ZNF26: variants seen among roughly 807,000 people sequenced by gnomAD.
The protein encoded by ZNF26 is epididymis luminal protein 179.
A neutral mutation model predicts 54.9 loss-of-function variants in ZNF26; 32 were observed. The observed-to-expected ratio is 0.58, with a 90% CI of 0.44 to 0.78. The LOEUF (loss-of-function observed/expected upper bound fraction) is 0.78, where lower values mean the gene tolerates loss of function less well. ZNF26 is among the 30% of genes least tolerant of loss of function. The pLI is 0.00. For missense variants in ZNF26, 524 were observed against 634.0 expected (o/e 0.83, Z 1.86); for synonymous variants, 221 against 209.2 (o/e 1.06, Z -0.49).
chr12:133,007,834 C>T (rs1281438528), intron 3 of ZNF26, among the ~76,000 whole-genome samples: 8 of 152,136 alleles, frequency 5.3e-5, no homozygotes, highest in African/African-American at 1.2e-4. Context: ...TATTGGGCAT[C>T]GAGACCTTTA....
chr12:133,007,576 C>A, intron 3 of ZNF26, 44 bp downstream of exon 3: 1 of 1,414,846 alleles, frequency 7.1e-7, no homozygotes, highest in Non-Finnish European at 9.9e-7. Flanking sequence ...TGGGAGTGAG[C>A]TGATGAGTAC....
At chr12:132,988,007 A>G (rs1440868830) in intron 1 of ZNF26, among the ~76,000 whole-genome samples, 3 of 152,128 alleles carry the variant, frequency 2.0e-5, no homozygotes, top group African/African-American at 7.2e-5. Context: ...GCTTTGTAAT[A>G]AGTCTTTTTT....
intron 1 of ZNF26, among the ~76,000 whole-genome samples, chr12:133,002,251 T>A (rs1953234192): frequency 6.6e-6 from 1 of 152,188 alleles, no homozygotes; most frequent in Non-Finnish European, 1.5e-5. Context: ...TCTCTCAGCG[T>A]GCCATGCTGT....
In ZNF26 at chr12:133,020,529, A is replaced by G. The variant is rs1953626801; in HGVS notation, c.*9048A>G. The G allele has an allele frequency of 6.6e-6, 1 of 152,268 alleles. No individual in the cohort carries two copies. The highest frequency in any genetic ancestry group is 2.4e-5 in the African/African-American group (1 of 41,470). 9.4% of individuals were successfully genotyped at this position (152,268 alleles called of 1,614,324 possible). On this transcript the variant is annotated 3_prime_UTR_variant, in exon 4 of 4. Transcript: ENST00000328654. ...GAAGATATAATAATTATAAACATGT[A>G]TGTACCTAATAACAGCACCAAAATA...
rs1340308557 is a variant in ZNF26, at chr12:133,023,714, C to T, written c.*12233C>T. On this transcript the variant is annotated 3_prime_UTR_variant, in exon 4 of 4. Coordinates refer to ENST00000328654, the MANE Select transcript of ZNF26 (RefSeq NM_019591.4). ...CACTCCTCCCACTTATAGTCTTGCC[C>T]CATCCTTTGAGTTTTGTTGGCTTGT... 3 of 152,198 alleles carry T rather than the reference C, an allele frequency of 2.0e-5. No homozygotes were observed. Among genetic ancestry groups the T allele is most frequent in the Non-Finnish European group, 4.4e-5 (3 of 68,046 alleles). The allele number at this position is 152,198 out of a possible 1,614,324, so 9.4% of individuals were successfully genotyped here. A position where few individuals can be genotyped will look rare whatever the true frequency, so the allele number is the denominator to read the frequency against.
At chr12:132,998,324 G>A (rs1032174927) in intron 1 of ZNF26, among the ~76,000 whole-genome samples, 7 of 151,914 alleles carry the variant, frequency 4.6e-5, no homozygotes, top group African/African-American at 1.7e-4. Flanking sequence ...GTTCCAGCAC[G>A]CCTGGCTAAT....
intron 1 of ZNF26, chr12:133,004,696 G>A (rs1953287523): frequency 6.6e-6 from 1 of 152,132 alleles, no homozygotes; most frequent in Non-Finnish European, 1.5e-5. Context: ...TGTGACCCAG[G>A]ATAGTCTGAA....
intron 1 of ZNF26, among the ~76,000 whole-genome samples, chr12:132,992,312 GA>G (rs34099790): frequency 0.26 from 39,540 of 151,836 alleles, 6,155 homozygotes; most frequent in Middle Eastern, 0.39. Flanking sequence ...CTGTTTTGAT[GA>G]TTTTTTTTTC....
Position 133,025,850 on chromosome 12 carries a change from T to C in ZNF26, c.*14369T>C, listed in dbSNP as rs1049652385. On this transcript the variant is annotated 3_prime_UTR_variant, in exon 4 of 4. Coordinates refer to ENST00000328654, the MANE Select transcript of ZNF26 (RefSeq NM_019591.4). ...TCCAAAGCTAGGTCATAAAAGGTGA[T>C]GCAGCTTCCATCTTGTCACTGGAAT... 11 of 152,254 alleles carry C rather than the reference T, an allele frequency of 7.2e-5. No homozygotes were observed. The highest frequency in any genetic ancestry group is 1.5e-4 in the Non-Finnish European group (10 of 68,070). 9.4% of individuals were successfully genotyped at this position (152,254 alleles called of 1,614,324 possible). A position where few individuals can be genotyped will look rare whatever the true frequency, so the allele number is the denominator to read the frequency against.
rs1953507429 is a variant in ZNF26 at position 133,012,623 on chromosome 12, A to T, written c.*1142A>T. The T allele has an allele frequency of 2.8e-5, 2 of 72,636 alleles. No individual in the cohort carries two copies. Among genetic ancestry groups the T allele is most frequent in the South Asian group, 4.0e-4 (1 of 2,478 alleles). 4.5% of individuals were successfully genotyped at this position (72,636 alleles called of 1,614,324 possible). A position where few individuals can be genotyped will look rare whatever the true frequency, so the allele number is the denominator to read the frequency against. ...TTTTTTTTTTTTGAGACTAAGTTTC[A>T]CTCTTGTCCTCCAGGCTGGAATGCA... On this transcript the variant is annotated 3_prime_UTR_variant, in exon 4 of 4. Coordinates refer to ENST00000328654, the MANE Select transcript of ZNF26 (RefSeq NM_019591.4).
In ZNF26 at chr12:133,014,620, A is replaced by T. The variant is rs1463113180; in HGVS notation, c.*3139A>T. On this transcript the variant is annotated 3_prime_UTR_variant, in exon 4 of 4. Coordinates refer to ENST00000328654, the MANE Select transcript of ZNF26 (RefSeq NM_019591.4). ...GGAGTGAATTGCACAATCTCGGCTCACTGCAACCTCCGCCTCCTGGGTTCA... is the reference window on the plus strand; with the variant it reads ...GGAGTGAATTGCACAATCTCGGCTCTCTGCAACCTCCGCCTCCTGGGTTCA... 1 of 147,864 alleles carries T rather than the reference A, an allele frequency of 6.8e-6. No homozygotes were observed. Among genetic ancestry groups the T allele is most frequent in the Non-Finnish European group, 1.5e-5 (1 of 67,546 alleles). 9.2% of individuals were successfully genotyped at this position (147,864 alleles called of 1,614,324 possible).
At position 132,986,737 on chromosome 12, in the gene ZNF26, G is replaced by A. The variant is rs1188785448; in HGVS notation, c.-104G>A. The stretch of plus-strand genomic sequence containing the variant: ...CGGCCCCGGGACGGTCAGGAGCCTG[G>A]GGCCCTGGTCCCGCACCTGTCTTCG... On this transcript the variant is annotated 5_prime_UTR_variant, in exon 1 of 4. Coordinates refer to ENST00000328654, the MANE Select transcript of ZNF26 (RefSeq NM_019591.4). 3 of 1,314,252 alleles carry A rather than the reference G, an allele frequency of 2.3e-6. No homozygotes were observed. The highest frequency in any genetic ancestry group is 2.9e-5 in the African/African-American group (2 of 68,380). The allele number at this position is 1,314,252 out of a possible 1,614,324, so 81.4% of individuals were successfully genotyped here.
rs1267190034 is a variant in ZNF26 at position 133,023,413 on chromosome 12, A to T, written c.*11932A>T. 1 of 152,218 alleles carries T rather than the reference A, an allele frequency of 6.6e-6. No individual in the cohort carries two copies. Among genetic ancestry groups the T allele is most frequent in the Non-Finnish European group, 1.5e-5 (1 of 68,038 alleles). 9.4% of individuals were successfully genotyped at this position (152,218 alleles called of 1,614,324 possible). ...GTATTAGAGAATTTTTAAAATATAG[A>T]TTACTTCCAAATTCACCTAGAAATT... On this transcript the variant is annotated 3_prime_UTR_variant, in exon 4 of 4. Coordinates refer to ENST00000328654, the MANE Select transcript of ZNF26 (RefSeq NM_019591.4).
rs1319757685 is a variant in ZNF26 at position 133,019,347 on chromosome 12, A to C, written c.*7866A>C. On this transcript the variant is annotated 3_prime_UTR_variant, in exon 4 of 4. Coordinates refer to ENST00000328654, the MANE Select transcript of ZNF26 (RefSeq NM_019591.4). ...GCTCAAACAACTCTATAGCAAAAAC[A>C]AAGAAAAATAACAAAAAAAAAACCC... The C allele has an allele frequency of 3.1e-4, 19 of 61,922 alleles. No individual in the cohort carries two copies. Among genetic ancestry groups the C allele is most frequent in the Non-Finnish European group, 5.9e-4 (18 of 30,428 alleles). 3.8% of individuals were successfully genotyped at this position (61,922 alleles called of 1,614,324 possible).
At chr12:132,991,642 A>C in intron 1 of ZNF26, among the ~76,000 whole-genome samples, 1 of 28,406 alleles carries the variant, frequency 3.5e-5, no homozygotes, top group East Asian at 4.5e-3. Flanking sequence ...AAAAAAAAAA[A>C]AACCTAAAAA....
At chr12:132,998,888 T>A (rs76346237) in intron 1 of ZNF26, among the ~76,000 whole-genome samples, 2,112 of 152,340 alleles carry the variant, frequency 0.014, 39 homozygotes, top group African/African-American at 0.048. Context: ...AGAATACTCA[T>A]GAATAGTTTC....
At chr12:133,005,819 A>C (rs2137248857) in intron 1 of ZNF26, 1 of 152,618 alleles carries the variant, frequency 6.6e-6, no homozygotes, top group African/African-American at 2.4e-5. Flanking sequence ...CACCATGCTT[A>C]TGGACTTCCT....
Position 133,010,190 on chromosome 12 carries a change from G to T in ZNF26, c.311G>T (p.Arg104Ile), listed in dbSNP as rs1306259931. Residue 104 changes from arginine (R) to isoleucine (I), a missense_variant, in exon 4 of 4, where the codon AGA becomes ATA. Transcript: ENST00000328654. The stretch of plus-strand genomic sequence containing the variant: ...CAAGATGAGCTTGAGAGTATTGAAA[G>T]AAGCTATGCTTGTAGTGTGTTGGGA... ...NNQDELESIE[R>I]SYACSVLGRL... 1.2e-6 allele frequency: 2 copies of T among 1,611,260 alleles called. No homozygotes were observed. Among genetic ancestry groups the T allele is most frequent in the Admixed American group, 3.4e-5 (2 of 59,316 alleles).
intron 1 of ZNF26, among the ~76,000 whole-genome samples, chr12:132,997,969 G>C (rs1057130923): frequency 1.3e-5 from 2 of 152,110 alleles, no homozygotes; most frequent in Non-Finnish European, 2.9e-5. Flanking sequence ...TAAAAACTCA[G>C]AACAGCAATC....
Sources: gnomAD v4.1 joint callset for allele counts (sites outside exome capture counted in the v4.1 genomes callset) on GRCh38, gnomAD v4.1.1 for gene constraint, MANE v1.5 for transcripts, NCBI Gene and HGNC (gene_info 2026-07-23, HGNC 2026-07-21) for gene names.